Variants in HMCN1 observed in about 807,000 individuals in gnomAD.
HMCN1 encodes the protein hemicentin-1.
HMCN1 carries 321 observed loss-of-function variants against 625.9 expected under a neutral mutation model. The ratio of observed to expected loss-of-function variants is 0.51; its 90% CI spans 0.47 to 0.56. The LOEUF (loss-of-function observed/expected upper bound fraction) is 0.56, where lower values mean the gene tolerates loss of function less well. Among genes scored for constraint, HMCN1 ranks in the 20% least tolerant of loss-of-function variants. The pLI, the probability that HMCN1 is intolerant of heterozygous loss-of-function variation, is 0.00. For missense variants in HMCN1, 6,588 were observed against 6,887.3 expected, an observed-to-expected ratio of 0.96 and a Z score of 1.54; for synonymous variants, 2,425 against 2,417.6, an observed-to-expected ratio of 1.00 and a Z score of -0.09.
At chr1:185,884,459 T>C (rs1000282827) in intron 4 of HMCN1, among the ~76,000 whole-genome samples, 8 of 152,002 alleles carry the variant, frequency 5.3e-5, no homozygotes, top group African/African-American at 1.9e-4. Context: ...CTCAGATTTC[T>C]GTCTTTTTAA....
At chr1:185,959,427 A>G (rs1649853743) in intron 11 of HMCN1, among the ~76,000 whole-genome samples, 1 of 152,206 alleles carries the variant, frequency 6.6e-6, no homozygotes, top group Admixed American at 6.5e-5. Context: ...GTATTAAGAT[A>G]CCCAATTCTT....
At chr1:185,849,832 C>A (rs1202533012) in intron 2 of HMCN1, among the ~76,000 whole-genome samples, 1 of 151,236 alleles carries the variant, frequency 6.6e-6, no homozygotes. Context: ...CATTTTTTTT[C>A]ACCAACAGTC....
chr1:186,101,946 G>C (rs542457604), intron 68 of HMCN1, among the ~76,000 whole-genome samples: 1 of 152,100 alleles, frequency 6.6e-6, no homozygotes, highest in Non-Finnish European at 1.5e-5. Context: ...TTTCACAAAT[G>C]AACTTGAGGA....
chr1:185,738,175 C>A (rs957240907), intron 1 of HMCN1, among the ~76,000 whole-genome samples: 1 of 152,142 alleles, frequency 6.6e-6, no homozygotes, highest in Admixed American at 6.5e-5. Flanking sequence ...CCATACAATT[C>A]ATCCACTTAA....
chr1:186,003,810 C>T lies in HMCN1; in HGVS notation c.4441C>T (p.Pro1481Ser), dbSNP rs1653355256. Reference protein sequence around the residue: ...VALECQVKGTPFPDIHWFKDG... With the variant: ...VALECQVKGTSFPDIHWFKDG... ...CCTTGAATGCCAGGTCAAAGGCACT[C>T]CCTTTCCTGATATTCATTGGTTCAA... Residue 1481 changes from proline (P) to serine (S), a missense_variant, in exon 29 of 107, where the codon CCC becomes TCC. Coordinates refer to ENST00000271588, the MANE Select transcript of HMCN1 (RefSeq NM_031935.3). The T allele has an allele frequency of 1.9e-6, 3 of 1,613,262 alleles. No individual in the cohort carries two copies. The highest frequency in any genetic ancestry group is 1.3e-5 in the African/African-American group (1 of 74,980).
chr1:186,183,507 A>G lies in HMCN1; in HGVS notation c.16414+1220A>G, dbSNP rs75195113. On this transcript the variant is annotated intron_variant, in intron 105 of 106. Transcript: ENST00000271588. ...TTTCTTAAGAACCTACCCCATGCAG[A>G]GAGTTTTACTCAGATTTAAAGTACT... is the stretch of plus-strand genomic sequence containing the variant. Among the ~76,000 whole-genome samples the G allele has an allele frequency of 9.6e-3, 1,460 of 152,338 alleles. 14 individuals carry two copies. The highest frequency in any genetic ancestry group is 0.015 in the Non-Finnish European group (1,052 of 68,028).
At chr1:185,892,598 A>T (rs571593973) in intron 4 of HMCN1, among the ~76,000 whole-genome samples, 1 of 151,926 alleles carries the variant, frequency 6.6e-6, no homozygotes, top group Non-Finnish European at 1.5e-5. Flanking sequence ...CCCCTGCTGG[A>T]GGGTGCCTCC....
chr1:185,854,973 T>C (rs185973353), intron 2 of HMCN1, among the ~76,000 whole-genome samples: 3 of 152,238 alleles, frequency 2.0e-5, no homozygotes, highest in Non-Finnish European at 2.9e-5. Context: ...TATGTGAGTG[T>C]TGGAGCAGAA....
chr1:186,094,127 C>G (rs1015930263), intron 66 of HMCN1, 149 bp from the exon 67 acceptor site: 1 of 701,616 alleles, frequency 1.4e-6, no homozygotes, highest in African/African-American at 1.8e-5. Flanking sequence ...TTTGAGGCCC[C>G]TATATTTTGT....
intron 4 of HMCN1, among the ~76,000 whole-genome samples, chr1:185,874,105 A>G (rs1293375337): frequency 6.6e-6 from 1 of 151,924 alleles, no homozygotes; most frequent in Non-Finnish European, 1.5e-5. Flanking sequence ...AGTAGTTTAA[A>G]CCATTTAGTA....
At chr1:186,101,659 A>G (rs1469831071) in intron 68 of HMCN1, among the ~76,000 whole-genome samples, 1 of 152,110 alleles carries the variant, frequency 6.6e-6, no homozygotes, top group East Asian at 1.9e-4. Flanking sequence ...CTGGGGTTTG[A>G]ACTACACAAG....
chr1:186,165,407 C>T (rs1200925288), intron 98 of HMCN1, among the ~76,000 whole-genome samples: 1 of 152,218 alleles, frequency 6.6e-6, no homozygotes, highest in Non-Finnish European at 1.5e-5. Flanking sequence ...AGCCCATGTT[C>T]TCTGAATTTG....
In HMCN1 at chr1:185,931,761, G is replaced by A. The variant is rs192693118; in HGVS notation, c.1553-1788G>A. ...TTCCTTCATTAAGAAGTAATTGGAT[G>A]TGGGCAGCACTGGAAAGGGGGGTCT... On this transcript the variant is annotated intron_variant, in intron 10 of 106. Coordinates refer to ENST00000271588, the MANE Select transcript of HMCN1 (RefSeq NM_031935.3). Among the ~76,000 whole-genome samples, 116 of 152,296 alleles carry A rather than the reference G, an allele frequency of 7.6e-4. 1 individual carries two copies. Among genetic ancestry groups the A allele is most frequent in the East Asian group, 5.8e-4 (3 of 5,182 alleles).
chr1:186,117,543 T>A lies in HMCN1; in HGVS notation c.11768T>A (p.Val3923Asp), dbSNP rs1241101467. 6.2e-7 allele frequency: 1 copy of A among 1,613,814 alleles called. No homozygotes were observed. The highest frequency in any genetic ancestry group is 8.5e-7 in the Non-Finnish European group (1 of 1,179,806). ...PAVITCTASGVPFPSIHWTKN... is the reference protein window; with the variant it reads ...PAVITCTASGDPFPSIHWTKN... The stretch of plus-strand genomic sequence containing the variant: ...GTAATTACCTGCACTGCTTCGGGAG[T>A]TCCATTTCCCTCAATTCACTGGACC... The change falls in exon 77 of 107, where the codon GTT becomes GAT. Residue 3923 changes from valine to aspartate, a missense_variant. Val to Asp is a radical substitution (Grantham distance 152). Around this residue, in one of 3 missense-constraint regions of HMCN1, gnomAD observed 4,628 missense variants for 4,853.1 expected, o/e 0.95. Transcript: ENST00000271588.
chr1:185,964,699 G>T (rs926272881), intron 13 of HMCN1, among the ~76,000 whole-genome samples: 2 of 151,990 alleles, frequency 1.3e-5, no homozygotes, highest in African/African-American at 4.8e-5. Flanking sequence ...GTACTACAGT[G>T]GGAGGTTGGC....
At chr1:185,826,842 C>T (rs1005448493) in intron 1 of HMCN1, among the ~76,000 whole-genome samples, 1 of 152,030 alleles carries the variant, frequency 6.6e-6, no homozygotes. Context: ...CATGAACTTC[C>T]AACAAATAGC....
In HMCN1 at chr1:186,189,515, C is replaced by G. The variant is rs1558294540; in HGVS notation, c.16545C>G (p.Phe5515Leu). Residue 5515 changes from phenylalanine to leucine, a missense_variant, in exon 107 of 107, where the codon TTC (phenylalanine) becomes TTG (leucine). Physicochemically the swap from Phe to Leu is conservative, Grantham distance 22. Coordinates refer to ENST00000271588, the MANE Select transcript of HMCN1 (RefSeq NM_031935.3). ...PNYQRDPVSG[F>L]CLKNCPPNDL... ...TTGATATGTTTGTTGTCCTTAGGTTCTGCCTCAAGAACTGTCCACCCAATG... is the reference window on the plus strand; with the variant it reads ...TTGATATGTTTGTTGTCCTTAGGTTGTGCCTCAAGAACTGTCCACCCAATG... 1.2e-6 allele frequency: 2 copies of G among 1,613,054 alleles called. No individual in the cohort carries two copies. Among genetic ancestry groups the G allele is most frequent in the East Asian group, 2.2e-5 (1 of 44,878 alleles).
intron 69 of HMCN1, among the ~76,000 whole-genome samples, chr1:186,105,612 T>A (rs1314461727): frequency 6.6e-6 from 1 of 152,236 alleles, no homozygotes; most frequent in Non-Finnish European, 1.5e-5. Flanking sequence ...TGAGCCATAA[T>A]GCATGTCCAC....
At chr1:185,853,148 A>G (rs1047523596) in intron 2 of HMCN1, among the ~76,000 whole-genome samples, 5 of 152,286 alleles carry the variant, frequency 3.3e-5, no homozygotes, top group African/African-American at 1.2e-4. Flanking sequence ...GTAGGAAAGT[A>G]AAGAATTAAA....
Sources: allele counts gnomAD v4.1 joint callset (sites outside exome capture counted in the v4.1 genomes callset), GRCh38; gene constraint gnomAD v4.1.1; regional missense constraint gnomAD v4.1.1; transcripts MANE v1.5; gene names NCBI Gene and HGNC (gene_info 2026-07-23, HGNC 2026-07-21).